Variants in ACTN4 observed in about 807,000 individuals in gnomAD.
ACTN4 encodes the protein alpha-actinin-4.
In ACTN4, 18 loss-of-function variants were observed where a neutral mutation model predicts 114.2. The observed-to-expected ratio is 0.16, with a 90% CI of 0.11 to 0.23. The LOEUF is 0.23. Among genes scored for constraint, ACTN4 ranks in the 10% least tolerant of loss-of-function variants. ACTN4 has a pLI of 1.00. For missense variants in ACTN4, 722 were observed against 1,262.9 expected (o/e 0.57, Z 6.49); for synonymous variants, 515 against 506.3 (o/e 1.02, Z -0.23).
At chr19:38,702,016 G>A (rs576360317) in intron 3 of ACTN4, among the ~76,000 whole-genome samples, 1 of 152,242 alleles carries the variant, frequency 6.6e-6, no homozygotes, top group Admixed American at 6.5e-5. Context: ...GCATGCCACA[G>A]TCGAGGTGGT....
At chr19:38,656,221 C>G (rs1197149925) in intron 1 of ACTN4, among the ~76,000 whole-genome samples, 1 of 152,104 alleles carries the variant, frequency 6.6e-6, no homozygotes, top group African/African-American at 2.4e-5. Flanking sequence ...CAAGCCATCC[C>G]CCCACCTCAG....
At chr19:38,672,755 T>C (rs1353521698) in intron 1 of ACTN4, among the ~76,000 whole-genome samples, 1 of 151,222 alleles carries the variant, frequency 6.6e-6, no homozygotes, top group African/African-American at 2.4e-5. Context: ...GTATTTTTAG[T>C]AGAGACGGGG....
Position 38,730,313 on chromosome 19 carries a change from G to A in ACTN4, c.*881G>A, listed in dbSNP as rs1969479791. The A allele has an allele frequency of 1.2e-5, 2 of 164,328 alleles. No homozygotes were observed. The highest frequency in any genetic ancestry group is 3.1e-4 in the South Asian group (2 of 6,506). The allele number at this position is 164,328 out of a possible 1,614,324, so 10.2% of individuals were successfully genotyped here. On this transcript the variant is annotated 3_prime_UTR_variant, in exon 21 of 21. Transcript: ENST00000252699. ...AAGACATAGCCGATTCTCTGCCCGG[G>A]CCCCTTGCTGATGCTCCTCCGGGTC... is the stretch of plus-strand genomic sequence containing the variant.
chr19:38,676,848 G>A (rs1967392402), intron 1 of ACTN4, among the ~76,000 whole-genome samples: 1 of 152,106 alleles, frequency 6.6e-6, no homozygotes, highest in African/African-American at 2.4e-5. Flanking sequence ...GCTCCTGGCG[G>A]GTTTCCCTGC....
rs896537696 is a variant in ACTN4 at position 38,728,895 on chromosome 19, C to T, written c.2419-101C>T. On this transcript the variant is annotated intron_variant, in intron 19 of 20. Transcript: ENST00000252699. ...GGCGCACGCACACGTGGGTTGGGCC[C>T]TACTCTCTCGGCTGTTTCCCTGGAG... is the stretch of plus-strand genomic sequence containing the variant. 1.5e-5 allele frequency: 23 copies of T among 1,492,610 alleles called. 1 individual carries two copies. The highest frequency in any genetic ancestry group is 1.4e-4 in the African/African-American group (10 of 72,602). 92.5% of individuals were successfully genotyped at this position (1,492,610 alleles called of 1,614,324 possible). A position where few individuals can be genotyped will look rare whatever the true frequency, so the allele number is the denominator to read the frequency against.
intron 1 of ACTN4, among the ~76,000 whole-genome samples, chr19:38,656,789 A>C (rs1365931069): frequency 6.6e-6 from 1 of 152,038 alleles, no homozygotes; most frequent in Non-Finnish European, 1.5e-5. Flanking sequence ...TTCCCCCCCA[A>C]AGGTGTGGGG....
Position 38,704,930 on chromosome 19 carries a change from G to A in ACTN4, c.398-4G>A, listed in dbSNP as rs1968406976. 4 of 1,614,076 alleles carry A rather than the reference G, an allele frequency of 2.5e-6. No homozygotes were observed. Among genetic ancestry groups the A allele is most frequent in the Admixed American group, 1.7e-5 (1 of 60,030 alleles). On this transcript the variant is annotated splice_polypyrimidine_tract_variant and splice_region_variant and intron_variant, in intron 3 of 20. Coordinates refer to ENST00000252699, the MANE Select transcript of ACTN4 (RefSeq NM_004924.6). ...CTGCCCTCTGCCCCCTTCCCTGTGT[G>A]CAGAGATTGTGGACGGCAACGCAAA... is the stretch of plus-strand genomic sequence containing the variant.
chr19:38,682,072 C>G (rs1182985760), intron 1 of ACTN4, among the ~76,000 whole-genome samples: 1 of 152,132 alleles, frequency 6.6e-6, no homozygotes, highest in African/African-American at 2.4e-5. Context: ...CTCAAGTGAT[C>G]CACCCACCTC....
intron 1 of ACTN4, among the ~76,000 whole-genome samples, chr19:38,687,190 T>C (rs1967774394): frequency 6.6e-6 from 1 of 152,056 alleles, no homozygotes; most frequent in African/African-American, 2.4e-5. Flanking sequence ...ACGGCTGGTC[T>C]TGAACTCCTG....
At chr19:38,657,205 C>T (rs1205287637) in intron 1 of ACTN4, among the ~76,000 whole-genome samples, 4 of 151,822 alleles carry the variant, frequency 2.6e-5, no homozygotes, top group East Asian at 1.9e-4. Flanking sequence ...TGCAGTAGCA[C>T]GATCTCAGCT....
intron 1 of ACTN4, 81 bp downstream of exon 1, chr19:38,647,988 C>T: frequency 1.5e-6 from 2 of 1,370,854 alleles, no homozygotes; most frequent in Admixed American, 3.4e-5. Context: ...TGAAAGGTAA[C>T]TGGAGCGTCT....
In ACTN4 at chr19:38,727,043, C is replaced by T. The variant is rs1362800852; in HGVS notation, c.2277C>T (p.Ala759=). 1.9e-6 allele frequency: 3 copies of T among 1,614,172 alleles called. No individual in the cohort carries two copies. The highest frequency in any genetic ancestry group is 2.2e-5 in the East Asian group (1 of 44,888). Residue 759 remains alanine (A), a synonymous_variant, in exon 18 of 21, where the codon GCC becomes GCT. Coordinates refer to ENST00000252699, the MANE Select transcript of ACTN4 (RefSeq NM_004924.6). This position sits in a 1 kb window ranked among gnomAD's most constrained non-coding sequence, Gnocchi z 5.4. ...AGAACCAGATCCTCACCCGCGACGC[C>T]AAGGGCATCAGCCAGGAGCAGATGC... The part of the protein sequence containing the change: ...EVENQILTRD[A]KGISQEQMQE...
intron 11 of ACTN4, among the ~76,000 whole-genome samples, chr19:38,721,335 C>G (rs1568741594): frequency 6.6e-6 from 1 of 152,198 alleles, no homozygotes. Context: ...AGTGTCCATC[C>G]AGGTCCATCC....
Position 38,731,583 on chromosome 19 carries a change from A to T in ACTN4, c.*2151A>T. ...TGCAGCAAAAAATATAGTCAATCCC[A>T]TATGGAGTCAGTTTCCTTACAGTCT... is the stretch of plus-strand genomic sequence containing the variant. On this transcript the variant is annotated 3_prime_UTR_variant, in exon 21 of 21. Transcript: ENST00000252699. The T allele has an allele frequency of 3.2e-6, 1 of 308,816 alleles. No homozygotes were observed. Among genetic ancestry groups the T allele is most frequent in the Non-Finnish European group, 6.3e-6 (1 of 158,242 alleles). 19.1% of individuals were successfully genotyped at this position (308,816 alleles called of 1,614,324 possible).
rs1202111046 is a variant in ACTN4 at position 38,647,674 on chromosome 19, C to CG, written c.-70dup. On this transcript the variant is annotated 5_prime_UTR_variant, in exon 1 of 21. Coordinates refer to ENST00000252699, the MANE Select transcript of ACTN4 (RefSeq NM_004924.6). ...GAAGCAGCTGAAGCGGCGGTAGCGGCGGCGGCTCGGGCAGAGGGGCGGGAG... is the reference window on the plus strand; with the variant it reads ...GAAGCAGCTGAAGCGGCGGTAGCGGCGGGCGGCTCGGGCAGAGGGGCGGGAG... 1 of 1,479,956 alleles carries CG rather than the reference C, an allele frequency of 6.8e-7. No homozygotes were observed. Among genetic ancestry groups the CG allele is most frequent in the Non-Finnish European group, 9.0e-7 (1 of 1,114,238 alleles). 91.7% of individuals were successfully genotyped at this position (1,479,956 alleles called of 1,614,324 possible). A position where few individuals can be genotyped will look rare whatever the true frequency, so the allele number is the denominator to read the frequency against.
At chr19:38,673,549 ATATATACTTATATATATT>A (rs1201515972) in intron 1 of ACTN4, among the ~76,000 whole-genome samples, 3 of 101,094 alleles carry the variant, frequency 3.0e-5, no homozygotes, top group African/African-American at 1.0e-4. Context: ...ATATATATTT[ATATATACTTATATATATT>A]TATATATATT....
intron 11 of ACTN4, among the ~76,000 whole-genome samples, chr19:38,718,747 C>G (rs1394522631): frequency 6.6e-6 from 1 of 152,198 alleles, no homozygotes; most frequent in African/African-American, 2.4e-5. Context: ...CTTCCCCATC[C>G]AGGGCGAGTG....
chr19:38,690,704 G>A (rs1169452128), intron 1 of ACTN4, among the ~76,000 whole-genome samples: 1 of 152,222 alleles, frequency 6.6e-6, no homozygotes, highest in African/African-American at 2.4e-5. Flanking sequence ...CTCCCAAAGT[G>A]CTGGGATTAC....
At chr19:38,670,096 C>T (rs1165007029) in intron 1 of ACTN4, among the ~76,000 whole-genome samples, 1 of 152,162 alleles carries the variant, frequency 6.6e-6, no homozygotes, top group Non-Finnish European at 1.5e-5. Context: ...TTCCTAGCCA[C>T]CCCTTTCTCC....
Sources: allele counts gnomAD v4.1 joint callset (sites outside exome capture counted in the v4.1 genomes callset), GRCh38; gene constraint gnomAD v4.1.1; non-coding constraint Gnocchi (gnomAD v3.1); transcripts MANE v1.5; gene names NCBI Gene and HGNC (gene_info 2026-07-23, HGNC 2026-07-21).